Variants in PSPC1 observed in about 807,000 individuals in gnomAD.
PSPC1 encodes paraspeckle component 1, also known as paraspeckle protein 1.
In PSPC1, 14 loss-of-function variants were observed where a neutral mutation model predicts 51.6. The ratio of observed to expected loss-of-function variants is 0.27; its 90% CI spans 0.18 to 0.42. PSPC1 has a LOEUF of 0.42. Among genes scored for constraint, PSPC1 ranks in the 10% least tolerant of loss-of-function variants. PSPC1 has a pLI of 1.00. For synonymous variants in PSPC1, 193 were observed against 231.9 expected, an observed-to-expected ratio of 0.83 and a Z score of 1.53; for missense variants, 406 against 701.1, an observed-to-expected ratio of 0.58 and a Z score of 4.75.
chr13:19,718,064 A>C (rs557887542), intron 6 of PSPC1, among the ~76,000 whole-genome samples: 89 of 152,280 alleles, frequency 5.8e-4, no homozygotes, highest in African/African-American at 2.0e-3. Flanking sequence ...TAAACGTTTT[A>C]AAATGAAAAG....
intron 6 of PSPC1, among the ~76,000 whole-genome samples, chr13:19,694,140 A>C (rs1264081663): frequency 9.9e-4 from 71 of 71,970 alleles, no homozygotes; most frequent in Middle Eastern, 8.8e-3. Flanking sequence ...AAAAAAAAAA[A>C]AAAAAAAAAA....
intron 6 of PSPC1, among the ~76,000 whole-genome samples, chr13:19,711,862 G>C (rs1379603447): frequency 6.6e-6 from 1 of 150,674 alleles, no homozygotes; most frequent in African/African-American, 2.4e-5. Flanking sequence ...AAAAAAGCTA[G>C]ACTGTAATAT....
At chr13:19,753,196 T>A (rs2138145525) in intron 3 of PSPC1, among the ~76,000 whole-genome samples, 1 of 149,106 alleles carries the variant, frequency 6.7e-6, no homozygotes, top group South Asian at 2.1e-4. Flanking sequence ...GGCAGGAGAA[T>A]CGCTTGAACT....
chr13:19,698,909 T>C (rs1258707380), downstream of PSPC1, among the ~76,000 whole-genome samples: 1 of 151,752 alleles, frequency 6.6e-6, no homozygotes, highest in East Asian at 1.9e-4. Context: ...GGAAAAAATG[T>C]CATAAAATAG....
At chr13:19,743,611 C>A (rs1885651977) in intron 4 of PSPC1, among the ~76,000 whole-genome samples, 1 of 152,098 alleles carries the variant, frequency 6.6e-6, no homozygotes, top group Admixed American at 6.6e-5. Flanking sequence ...GTTGATCAGA[C>A]TCAATTGGAA....
intron 8 of PSPC1, among the ~76,000 whole-genome samples, chr13:19,704,641 T>G (rs1301015921): frequency 7.2e-5 from 11 of 152,242 alleles, no homozygotes; most frequent in Non-Finnish European, 1.6e-4. Flanking sequence ...AAACACTAAA[T>G]GAGAAAACGG....
chr13:19,744,091 A>G (rs1335155546), intron 4 of PSPC1, among the ~76,000 whole-genome samples: 1 of 152,144 alleles, frequency 6.6e-6, no homozygotes, highest in Non-Finnish European at 1.5e-5. Context: ...CTGGGCAACA[A>G]GAGCGAAACT....
At chr13:19,731,853 G>A (rs967139301) in intron 5 of PSPC1, among the ~76,000 whole-genome samples, 3 of 152,148 alleles carry the variant, frequency 2.0e-5, no homozygotes, top group African/African-American at 4.8e-5. Flanking sequence ...TGTTAAACAT[G>A]TCCCATAATG....
intron 6 of PSPC1, among the ~76,000 whole-genome samples, chr13:19,729,373 C>G (rs1386561213): frequency 6.6e-6 from 1 of 151,854 alleles, no homozygotes. Flanking sequence ...CCCGTCTCTA[C>G]TAAAAATACA....
At chr13:19,706,108 C>CTA (rs1042195842) in intron 7 of PSPC1, among the ~76,000 whole-genome samples, 11 of 152,150 alleles carry the variant, frequency 7.2e-5, no homozygotes, top group African/African-American at 2.7e-4. Context: ...TGAGACATCA[C>CTA]TATTATTTTG....
chr13:19,760,030 A>G (rs948491219), intron 2 of PSPC1, among the ~76,000 whole-genome samples: 3 of 152,172 alleles, frequency 2.0e-5, no homozygotes, highest in African/African-American at 4.8e-5. Flanking sequence ...CCCATGTTTT[A>G]TATGTGTGGT....
intron 5 of PSPC1, among the ~76,000 whole-genome samples, chr13:19,737,786 A>G (rs1885002434): frequency 6.6e-6 from 1 of 152,202 alleles, no homozygotes; most frequent in Admixed American, 6.5e-5. Flanking sequence ...AGAAAAAGCC[A>G]TAAAATACAG....
intron 6 of PSPC1, among the ~76,000 whole-genome samples, chr13:19,689,740 A>C (rs992332132): frequency 2.0e-5 from 3 of 152,250 alleles, no homozygotes; most frequent in African/African-American, 7.2e-5. Flanking sequence ...ACGGAGACTA[A>C]AACCAAAATG....
intron 7 of PSPC1, 115 bp from the exon 8 acceptor site, chr13:19,705,946 C>T: frequency 1.1e-6 from 1 of 876,442 alleles, no homozygotes; most frequent in East Asian, 2.8e-5. Flanking sequence ...TATTTTCGCT[C>T]CTTAAGAATG....
chr13:19,671,797 G>A, downstream of PSPC1: 4 of 1,605,924 alleles, frequency 2.5e-6, no homozygotes, highest in Non-Finnish European at 3.4e-6. Context: ...GGGAAATCTG[G>A]ATCTGTACTG....
chr13:19,774,899 G>A (rs932757805), intron 1 of PSPC1, among the ~76,000 whole-genome samples: 4 of 151,752 alleles, frequency 2.6e-5, no homozygotes, highest in Non-Finnish European at 5.9e-5. Context: ...GACAGGCAGG[G>A]TAAGGGGGCT....
intron 6 of PSPC1, among the ~76,000 whole-genome samples, chr13:19,687,671 C>CCTATATTA (rs11272616): frequency 6.6e-6 from 1 of 152,052 alleles, no homozygotes. Context: ...ACATAAATCC[C>CCTATATTA]AGTCGTGACC....
chr13:19,724,287 A>C (rs1883103917), intron 6 of PSPC1, among the ~76,000 whole-genome samples: 1 of 152,222 alleles, frequency 6.6e-6, no homozygotes. Context: ...TAACAACAGG[A>C]TCACTCTTCT....
intron 2 of PSPC1, among the ~76,000 whole-genome samples, chr13:19,770,654 G>A (rs1346202985): frequency 6.6e-6 from 1 of 152,114 alleles, no homozygotes; most frequent in Non-Finnish European, 1.5e-5. Flanking sequence ...CGGACACAGT[G>A]GTTCACGCTT....
Sources: gnomAD v4.1 joint callset for allele counts (sites outside exome capture counted in the v4.1 genomes callset) on GRCh38, gnomAD v4.1.1 for gene constraint, MANE v1.5 for transcripts, NCBI Gene and HGNC (gene_info 2026-07-23, HGNC 2026-07-21) for gene names.